The following CUL5 variants were observed in gnomAD, a reference collection of about 807,000 sequenced individuals.
CUL5 encodes the protein cullin-5.
CUL5 carries 26 observed loss-of-function variants against 108.8 expected under a neutral mutation model. That is an observed-to-expected ratio of 0.24 (90% CI 0.18 to 0.33). The LOEUF (loss-of-function observed/expected upper bound fraction) is 0.33, where lower values mean the gene tolerates loss of function less well. Among genes scored for constraint, CUL5 ranks in the 10% least tolerant of loss-of-function variants. The pLI is 1.00. For missense variants in CUL5, 524 were observed against 909.2 expected, an observed-to-expected ratio of 0.58 and a Z score of 5.45; for synonymous variants, 334 against 298.0, an observed-to-expected ratio of 1.12 and a Z score of -1.25.
chr11:108,058,019 A>G (rs1403777095), intron 7 of CUL5, among the ~76,000 whole-genome samples: 1 of 151,590 alleles, frequency 6.6e-6, no homozygotes, highest in African/African-American at 2.4e-5. Flanking sequence ...GACCAGCCTG[A>G]CCTACATGGT....
chr11:108,071,814 A>G (rs1591314828), intron 8 of CUL5, among the ~76,000 whole-genome samples: 1 of 152,124 alleles, frequency 6.6e-6, no homozygotes, highest in East Asian at 1.9e-4. Context: ...TTGGCCTCCC[A>G]AAGTGCTGGA....
intron 7 of CUL5, among the ~76,000 whole-genome samples, chr11:108,063,661 A>AAAT (rs150788059): frequency 0.58 from 86,629 of 149,588 alleles, 26,708 homozygotes; most frequent in East Asian, 0.89. Context: ...AAATTTAAAA[A>AAAT]AAATAAATAA....
Position 108,048,648 on chromosome 11 carries a change from C to CTTTTTTTTTTTTTTTTTTTTTT in CUL5, c.235-1227_235-1206dup, listed in dbSNP as rs200991204. Among the ~76,000 whole-genome samples the CTTTTTTTTTTTTTTTTTTTTTT allele has an allele frequency of 4.7e-4, 55 of 116,850 alleles. 2 individuals are homozygous for CTTTTTTTTTTTTTTTTTTTTTT. The highest frequency in any genetic ancestry group is 7.3e-4 in the Non-Finnish European group (43 of 58,978). 76.7% of individuals were successfully genotyped at this position (116,850 alleles called of 152,430 possible). Reference sequence around the variant, plus strand: ...ATAGTGGGGAAATAGACTCCACCACCTTTTTTTTTTTTTTTTTTTTTTTTT... The same window carrying CTTTTTTTTTTTTTTTTTTTTTT: ...ATAGTGGGGAAATAGACTCCACCACCTTTTTTTTTTTTTTTTTTTTTTTTTTTTTTTTTTTTTTTTTTTTTTT... On this transcript the variant is annotated intron_variant, in intron 3 of 18. Coordinates refer to ENST00000393094, the MANE Select transcript of CUL5 (RefSeq NM_003478.6).
chr11:108,035,237 C>T (rs1306071048), intron 2 of CUL5, among the ~76,000 whole-genome samples: 1 of 152,188 alleles, frequency 6.6e-6, no homozygotes, highest in East Asian at 1.9e-4. Context: ...CTCCCAACTA[C>T]AGCTTTTGGT....
intron 4 of CUL5, among the ~76,000 whole-genome samples, chr11:108,051,183 T>C (rs1863211419): frequency 6.6e-6 from 1 of 152,112 alleles, no homozygotes; most frequent in South Asian, 2.1e-4. Flanking sequence ...TAGAAATCAC[T>C]GCAATATGGG....
At position 108,107,505 on chromosome 11, in the gene CUL5, C is replaced by G. The variant is rs1864830211; in HGVS notation, c.*3121C>G. The G allele has an allele frequency of 6.6e-6, 1 of 152,506 alleles. No homozygotes were observed. Among genetic ancestry groups the G allele is most frequent in the African/African-American group, 2.4e-5 (1 of 41,380 alleles). 9.4% of individuals were successfully genotyped at this position (152,506 alleles called of 1,614,324 possible). On this transcript the variant is annotated 3_prime_UTR_variant, in exon 19 of 19. Transcript: ENST00000393094. ...AAATAAACATTACATGAGAGCTTTC[C>G]TGTCATCTACACTATATGTTGTCTG...
chr11:108,019,889 T>C (rs1862287061), intron 1 of CUL5, among the ~76,000 whole-genome samples: 1 of 152,138 alleles, frequency 6.6e-6, no homozygotes, highest in Non-Finnish European at 1.5e-5. Flanking sequence ...CTTCTACTCA[T>C]GGCAGAAGGT....
chr11:108,030,496 G>T (rs1862553858), intron 1 of CUL5, among the ~76,000 whole-genome samples: 1 of 152,170 alleles, frequency 6.6e-6, no homozygotes, highest in Non-Finnish European at 1.5e-5. Flanking sequence ...AATTAGCCAG[G>T]CTTGGTGGCG....
chr11:108,047,959 C>G (rs1863107717), intron 3 of CUL5, among the ~76,000 whole-genome samples: 1 of 152,052 alleles, frequency 6.6e-6, no homozygotes, highest in African/African-American at 2.4e-5. Context: ...GGGAGGGTTT[C>G]ACGGTAACAT....
At chr11:108,059,482 A>G (rs1194248626) in intron 7 of CUL5, among the ~76,000 whole-genome samples, 1 of 152,168 alleles carries the variant, frequency 6.6e-6, no homozygotes, top group South Asian at 2.1e-4. Context: ...AGGGTCATAC[A>G]TGTTGGAATT....
At chr11:108,011,516 T>C (rs1003196454) in intron 1 of CUL5, among the ~76,000 whole-genome samples, 20 of 152,224 alleles carry the variant, frequency 1.3e-4, no homozygotes, top group African/African-American at 4.6e-4. Context: ...AAGGTGATAA[T>C]ATTTTGAAAA....
intron 7 of CUL5, among the ~76,000 whole-genome samples, chr11:108,062,341 A>T (rs1014710074): frequency 6.6e-6 from 1 of 152,100 alleles, no homozygotes; most frequent in Non-Finnish European, 1.5e-5. Flanking sequence ...AAATTGCTAC[A>T]CAATAAATAC....
rs971091095 is a variant in CUL5, at chr11:108,106,203, A to C, written c.*1819A>C. ...GTAGTAATTGTGGCCCTTATGTTTA[A>C]CAGATAATTCAGCATTGGCGTATTT... On this transcript the variant is annotated 3_prime_UTR_variant, in exon 19 of 19. Transcript: ENST00000393094. The C allele has an allele frequency of 6.6e-6, 1 of 152,594 alleles. No individual in the cohort carries two copies. The highest frequency in any genetic ancestry group is 2.4e-5 in the African/African-American group (1 of 41,450). The allele number at this position is 152,594 out of a possible 1,614,324, so 9.5% of individuals were successfully genotyped here.
intron 1 of CUL5, among the ~76,000 whole-genome samples, chr11:108,010,945 T>G (rs1383876431): frequency 2.0e-5 from 3 of 152,110 alleles, no homozygotes; most frequent in African/African-American, 7.2e-5. Flanking sequence ...TAATTCTGAG[T>G]TAGAGGTTAT....
chr11:108,009,357 G>T lies in CUL5; in HGVS notation c.9G>T (p.Thr3=), dbSNP rs754057441. MA[T]SNLLKNKGSL... ...AGTCCAAGTTAAAGAACATGGCGACGTCTAATCTGTTAAAGGTAAGACCCT... is the reference window on the plus strand; with the variant it reads ...AGTCCAAGTTAAAGAACATGGCGACTTCTAATCTGTTAAAGGTAAGACCCT... Residue 3 remains threonine (T), a synonymous_variant, in exon 1 of 19, where the codon ACG becomes ACT. Transcript: ENST00000393094. The T allele has an allele frequency of 5.0e-6, 8 of 1,613,802 alleles. No homozygotes were observed. The highest frequency in any genetic ancestry group is 6.8e-6 in the Non-Finnish European group (8 of 1,179,774).
At position 108,033,786 on chromosome 11, in the gene CUL5, CT is replaced by C. The variant is rs564647946; in HGVS notation, c.25-5del. ...GCATTTAAATTAAACTCCCTTTTAT[CT>C]TTTTTTTTTTCAAGAATAAAGGTTC... On this transcript the variant is annotated splice_polypyrimidine_tract_variant and intron_variant, in intron 1 of 18. Transcript: ENST00000393094. The C allele has an allele frequency of 0.02, 21,354 of 1,066,646 alleles. 1 individual carries two copies. Among genetic ancestry groups the C allele is most frequent in the South Asian group, 0.023 (1,262 of 55,924 alleles). 66.1% of individuals were successfully genotyped at this position (1,066,646 alleles called of 1,614,324 possible).
intron 13 of CUL5, among the ~76,000 whole-genome samples, chr11:108,091,431 C>T (rs1182344334): frequency 6.6e-6 from 1 of 151,920 alleles, no homozygotes; most frequent in Non-Finnish European, 1.5e-5. Context: ...TGGCTCACAC[C>T]TGTAATCCCA....
chr11:108,012,066 T>TA (rs1378898862), intron 1 of CUL5, among the ~76,000 whole-genome samples: 1 of 152,238 alleles, frequency 6.6e-6, no homozygotes, highest in East Asian at 1.9e-4. Flanking sequence ...GTTAACTGCT[T>TA]AGGGGTTTTG....
At chr11:108,048,623 A>G (rs1421755480) in intron 3 of CUL5, among the ~76,000 whole-genome samples, 3 of 147,946 alleles carry the variant, frequency 2.0e-5, no homozygotes, top group Admixed American at 2.0e-4. Context: ...CCAAACTCTA[A>G]TAGTGGGGAA....
Sources: gnomAD v4.1 joint callset for allele counts (sites outside exome capture counted in the v4.1 genomes callset) on GRCh38, gnomAD v4.1.1 for gene constraint, MANE v1.5 for transcripts, NCBI Gene and HGNC (gene_info 2026-07-23, HGNC 2026-07-21) for gene names.